The following SLIT2 variants were observed in gnomAD, a reference collection of about 807,000 sequenced individuals.
The protein encoded by SLIT2 is slit guidance ligand 2.
SLIT2 carries 41 observed loss-of-function variants against 185.7 expected under a neutral mutation model. The ratio of observed to expected loss-of-function variants is 0.22; its 90% confidence interval spans 0.17 to 0.29. The LOEUF is 0.29. Among genes scored for constraint, SLIT2 ranks in the 10% least tolerant of loss-of-function variants. The pLI, the probability that SLIT2 is intolerant of heterozygous loss-of-function variation, is 1.00. For synonymous variants in SLIT2, 693 were observed against 680.2 expected, an observed-to-expected ratio of 1.02 and a Z score of -0.29; for missense variants, 1,571 against 1,909.0, an observed-to-expected ratio of 0.82 and a Z score of 3.30.
intron 35 of SLIT2, 106 bp from the exon 36 acceptor site, chr4:20,617,333 C>T: frequency 1.5e-6 from 2 of 1,360,048 alleles, no homozygotes; most frequent in Non-Finnish European, 2.0e-6. Context: ...CATTAGCACT[C>T]TGTCCCTCAT....
chr4:20,517,398 T>C (rs1015481203), intron 11 of SLIT2, among the ~76,000 whole-genome samples: 1 of 152,296 alleles, frequency 6.6e-6, no homozygotes, highest in Middle Eastern at 3.4e-3. Context: ...TATCCCAGAC[T>C]GGTGCCATCT....
intron 4 of SLIT2, among the ~76,000 whole-genome samples, chr4:20,451,738 T>C (rs1287255245): frequency 1.3e-5 from 2 of 152,194 alleles, no homozygotes; most frequent in South Asian, 2.1e-4. Context: ...GGAACAGTAG[T>C]TGGGCAGAAT....
intron 4 of SLIT2, among the ~76,000 whole-genome samples, chr4:20,463,491 A>ATATGTGTG (rs1491274435): frequency 1.8e-4 from 17 of 96,218 alleles, no homozygotes; most frequent in Non-Finnish European, 2.8e-4. Context: ...ATATATATAT[A>ATATGTGTG]TGTGTGTGTG....
At chr4:20,308,630 G>T (rs988841021) in intron 4 of SLIT2, among the ~76,000 whole-genome samples, 1 of 151,990 alleles carries the variant, frequency 6.6e-6, no homozygotes. Context: ...AAAGACTCTT[G>T]GTGGGATTAG....
chr4:20,511,651 A>G (rs1323664652), intron 11 of SLIT2, among the ~76,000 whole-genome samples: 1 of 142,796 alleles, frequency 7.0e-6, no homozygotes, highest in Non-Finnish European at 1.5e-5. Flanking sequence ...GATGGTCTGG[A>G]TCTCCTGACC....
At chr4:20,471,292 C>T (rs1458664058) in intron 5 of SLIT2, among the ~76,000 whole-genome samples, 9 of 151,868 alleles carry the variant, frequency 5.9e-5, no homozygotes, top group South Asian at 2.1e-4. Flanking sequence ...TGAAAACTTA[C>T]GAAGGCTATC....
At chr4:20,259,556 C>G (rs1298908124) in intron 3 of SLIT2, among the ~76,000 whole-genome samples, 1 of 151,674 alleles carries the variant, frequency 6.6e-6, no homozygotes, top group East Asian at 1.9e-4. Context: ...ACTAAACAAA[C>G]TTTCTCATTC....
At chr4:20,497,868 TAAAAC>T (rs543909250) in intron 9 of SLIT2, among the ~76,000 whole-genome samples, 1 of 151,572 alleles carries the variant, frequency 6.6e-6, no homozygotes, top group Non-Finnish European at 1.5e-5. Context: ...TTCTTTATAC[TAAAAC>T]AAAACAAAAC....
chr4:20,480,563 A>G (rs1240116149), intron 5 of SLIT2, among the ~76,000 whole-genome samples, 153 bp from the exon 6 acceptor site: 1 of 151,410 alleles, frequency 6.6e-6, no homozygotes, highest in Non-Finnish European at 1.5e-5. Context: ...AGAGGCGAGA[A>G]TGGCTTATGA....
In SLIT2 at chr4:20,251,985, T is replaced by TA. The variant is rs1722077525; in HGVS notation, c.-1823dup. ...GGTGGTGGCTGCCGCAGACTGTGGT[T>TA]AAAAAAAAGAAGGCGGCGGCGGCGG... On this transcript the variant is annotated 5_prime_UTR_variant, in exon 1 of 37. Coordinates refer to ENST00000504154, the MANE Select transcript of SLIT2 (RefSeq NM_004787.4). Among the ~76,000 whole-genome samples, 1 of 151,236 alleles carries TA rather than the reference T, an allele frequency of 6.6e-6. No individual in the cohort carries two copies. The highest frequency in any genetic ancestry group is 2.4e-5 in the African/African-American group (1 of 41,214).
intron 26 of SLIT2, among the ~76,000 whole-genome samples, chr4:20,565,292 C>G (rs968992804): frequency 6.6e-6 from 1 of 151,908 alleles, no homozygotes; most frequent in African/African-American, 2.4e-5. Flanking sequence ...TGCTGACTTG[C>G]TGTTTTGCTG....
chr4:20,450,060 T>C (rs1270953192), intron 4 of SLIT2, among the ~76,000 whole-genome samples: 1 of 152,188 alleles, frequency 6.6e-6, no homozygotes, highest in East Asian at 1.9e-4. Context: ...TTCAGTGTCA[T>C]TAACTTTAGT....
rs890425874 is a variant in SLIT2, at chr4:20,281,227, A to G, written c.395+12346A>G. Among the ~76,000 whole-genome samples, 35 of 152,260 alleles carry G rather than the reference A, an allele frequency of 2.3e-4. 2 individuals carry two copies. The highest frequency in any genetic ancestry group is 2.9e-5 in the Non-Finnish European group (2 of 68,038). On this transcript the variant is annotated intron_variant, in intron 4 of 36. Coordinates refer to ENST00000504154, the MANE Select transcript of SLIT2 (RefSeq NM_004787.4). ...TCTCTCAATATGAGGTAAGTGGTGT[A>G]CAACTGAGGTAGTTTTAATAATCAC... is the stretch of plus-strand genomic sequence containing the variant.
At chr4:20,564,375 A>C (rs1361787984) in intron 26 of SLIT2, among the ~76,000 whole-genome samples, 1 of 150,964 alleles carries the variant, frequency 6.6e-6, no homozygotes, top group Non-Finnish European at 1.5e-5. Flanking sequence ...GTAGATGTAA[A>C]AATCACATTC....
chr4:20,304,449 C>T (rs983810125), intron 4 of SLIT2, among the ~76,000 whole-genome samples: 2 of 152,122 alleles, frequency 1.3e-5, no homozygotes, highest in African/African-American at 4.8e-5. Flanking sequence ...AAACACACCT[C>T]TCAATTTTCA....
intron 4 of SLIT2, among the ~76,000 whole-genome samples, chr4:20,399,390 G>C (rs1470987320): frequency 6.6e-6 from 1 of 151,704 alleles, no homozygotes; most frequent in East Asian, 1.9e-4. Flanking sequence ...TTTAGGAGCT[G>C]TGTGTCCCTG....
chr4:20,589,932 A>C (rs538346252), intron 30 of SLIT2, among the ~76,000 whole-genome samples, 195 bp downstream of exon 30: 1 of 110,760 alleles, frequency 9.0e-6, no homozygotes, highest in East Asian at 3.0e-4. Context: ...TTTGAGATGG[A>C]GTCTGGCCCT....
chr4:20,284,190 T>C (rs559997083), intron 4 of SLIT2, among the ~76,000 whole-genome samples: 1 of 152,324 alleles, frequency 6.6e-6, no homozygotes, highest in Non-Finnish European at 1.5e-5. Context: ...CTTGTGTTGC[T>C]GTGCAGTACC....
At chr4:20,556,843 A>G (rs1407372617) in intron 26 of SLIT2, among the ~76,000 whole-genome samples, 1 of 152,128 alleles carries the variant, frequency 6.6e-6, no homozygotes, top group Non-Finnish European at 1.5e-5. Flanking sequence ...ATACAAAGCA[A>G]AAGTTCTTGA....
Sources: gnomAD v4.1 joint callset for allele counts (sites outside exome capture counted in the v4.1 genomes callset) on GRCh38, gnomAD v4.1.1 for gene constraint, MANE v1.5 for transcripts, NCBI Gene and HGNC (gene_info 2026-07-23, HGNC 2026-07-21) for gene names.